The following DENND4A variants were observed in gnomAD, a reference collection of about 807,000 sequenced individuals.
The protein encoded by DENND4A is DENN domain containing 4A.
Under a neutral mutation model 199.3 loss-of-function variants are expected in DENND4A, and 70 were observed. The ratio of observed to expected loss-of-function variants is 0.35; its 90% confidence interval spans 0.29 to 0.43. The LOEUF (loss-of-function observed/expected upper bound fraction) is 0.43, where lower values mean the gene tolerates loss of function less well. DENND4A is among the 20% of genes least tolerant of loss of function. DENND4A has a pLI of 1.00. For synonymous variants in DENND4A, 686 were observed against 766.9 expected (o/e 0.89, Z 1.74); for missense variants, 1,723 against 2,255.8 (o/e 0.76, Z 4.78).
At chr15:65,662,883 C>T (rs900187597) in intron 32 of DENND4A, among the ~76,000 whole-genome samples, 6 of 152,014 alleles carry the variant, frequency 3.9e-5, no homozygotes, top group African/African-American at 7.2e-5. Flanking sequence ...CTTGGAGGTC[C>T]GGAATTTTTT....
intron 12 of DENND4A, among the ~76,000 whole-genome samples, chr15:65,720,083 C>T (rs1479238475): frequency 6.6e-6 from 1 of 152,090 alleles, no homozygotes; most frequent in Non-Finnish European, 1.5e-5. Flanking sequence ...GGAACTGGAT[C>T]CTTTTGTTAT....
intron 1 of DENND4A, among the ~76,000 whole-genome samples, chr15:65,777,260 C>G (rs191141813): frequency 6.6e-6 from 1 of 152,248 alleles, no homozygotes; most frequent in East Asian, 1.9e-4. Context: ...GGCTGTACTT[C>G]TATCATCGGG....
chr15:65,663,644 A>G (rs953067008), intron 32 of DENND4A, among the ~76,000 whole-genome samples: 2 of 151,948 alleles, frequency 1.3e-5, no homozygotes, highest in Non-Finnish European at 2.9e-5. Context: ...GAAAAGAATC[A>G]CCTTCTGTTG....
At chr15:65,773,515 C>G (rs2077197825) in intron 1 of DENND4A, among the ~76,000 whole-genome samples, 1 of 152,152 alleles carries the variant, frequency 6.6e-6, no homozygotes, top group Non-Finnish European at 1.5e-5. Context: ...CATCTAAATT[C>G]TGAAATATCA....
intron 2 of DENND4A, among the ~76,000 whole-genome samples, chr15:65,757,203 T>C (rs2076726677): frequency 6.6e-6 from 1 of 150,392 alleles, no homozygotes; most frequent in African/African-American, 2.4e-5. Flanking sequence ...TGGGGAAATT[T>C]ACTGATCTCC....
intron 15 of DENND4A, among the ~76,000 whole-genome samples, chr15:65,704,244 CTG>C (rs1036896437): frequency 6.6e-6 from 1 of 152,102 alleles, no homozygotes; most frequent in African/African-American, 2.4e-5. Context: ...GAGGCAGACT[CTG>C]TGCTCATTAA....
intron 23 of DENND4A, among the ~76,000 whole-genome samples, chr15:65,678,186 C>T (rs952777084): frequency 2.6e-5 from 4 of 152,126 alleles, no homozygotes; most frequent in Non-Finnish European, 5.9e-5. Context: ...CCTCGGCCTC[C>T]CGAAGTGTTG....
chr15:65,709,988 T>C lies in DENND4A; in HGVS notation c.1954-3764A>G, dbSNP rs530351355. On this transcript the variant is annotated intron_variant, in intron 14 of 32. Transcript: ENST00000443035. ...GATTATACATTTAATAGAATTTTCT[T>C]TTTCGAGACTTCTCAGAATTCATAA... Among the ~76,000 whole-genome samples, 41 of 152,072 alleles carry C rather than the reference T, an allele frequency of 2.7e-4. 1 individual carries two copies. The highest frequency in any genetic ancestry group is 9.2e-4 in the African/African-American group (38 of 41,508).
At chr15:65,732,885 C>A in intron 7 of DENND4A, 67 bp from the exon 8 acceptor site, 1 of 925,676 alleles carries the variant, frequency 1.1e-6, no homozygotes, top group South Asian at 1.5e-5. Context: ...CTCAACATGT[C>A]ATCACAAGTC....
chr15:65,694,480 GATTTT>G (rs2077078051), intron 22 of DENND4A, among the ~76,000 whole-genome samples: 2 of 151,438 alleles, frequency 1.3e-5, no homozygotes, highest in African/African-American at 4.9e-5. Context: ...ATAGGGTGAT[GATTTT>G]ATTTCAATAT....
At position 65,690,497 on chromosome 15, in the gene DENND4A, CTG is replaced by C; in HGVS notation, c.4095_4096del (p.Asn1365LysfsTer28). The C allele has an allele frequency of 6.2e-7, 1 of 1,612,916 alleles. No homozygotes were observed. Among genetic ancestry groups the C allele is most frequent in the Non-Finnish European group, 8.5e-7 (1 of 1,179,404 alleles). ...AACTCCTTTTCCAGCAGTGAACATA[CTG>C]TTTCTTAGAACATCTAGTTTAGGTA... On this transcript the variant is annotated frameshift_variant, in exon 23 of 33. Transcript: ENST00000443035. LOFTEE classifies it high-confidence loss of function.
intron 12 of DENND4A, among the ~76,000 whole-genome samples, chr15:65,721,480 CAAG>C (rs1247967425): frequency 6.6e-6 from 1 of 150,752 alleles, no homozygotes; most frequent in East Asian, 2.0e-4. Context: ...GCTATAATAC[CAAG>C]AAGATCAGAT....
chr15:65,790,179 G>A (rs895284576), intron 1 of DENND4A, among the ~76,000 whole-genome samples: 2 of 152,054 alleles, frequency 1.3e-5, no homozygotes, highest in African/African-American at 4.8e-5. Context: ...CAAGTTACCA[G>A]AAATAGGACA....
At chr15:65,705,891 C>A (rs1425270919) in intron 15 of DENND4A, 200 bp downstream of exon 15, 1 of 609,412 alleles carries the variant, frequency 1.6e-6, no homozygotes, top group African/African-American at 2.0e-5. Context: ...CTTCCCAAGT[C>A]TATATTATGC....
intron 1 of DENND4A, among the ~76,000 whole-genome samples, chr15:65,768,779 TC>T: frequency 6.6e-6 from 1 of 152,018 alleles, no homozygotes; most frequent in Middle Eastern, 3.4e-3. Flanking sequence ...GGTTAGGAGT[TC>T]AGGACCAGCC....
At chr15:65,731,467 T>C in intron 9 of DENND4A, 175 bp downstream of exon 9, 1 of 639,806 alleles carries the variant, frequency 1.6e-6, no homozygotes, top group South Asian at 1.5e-5. Flanking sequence ...ATTAGAAAAG[T>C]TTCCTTTTTT....
At chr15:65,746,389 T>C (rs2076396683) in intron 4 of DENND4A, among the ~76,000 whole-genome samples, 1 of 125,086 alleles carries the variant, frequency 8.0e-6, no homozygotes, top group Non-Finnish European at 1.7e-5. Context: ...TTTTTTTTTT[T>C]TTTTTTTTTT....
rs139528285 is a variant in DENND4A at position 65,670,444 on chromosome 15, T to C, written c.4465-256A>G. Among the ~76,000 whole-genome samples the C allele has an allele frequency of 5.4e-4, 83 of 152,312 alleles. No individual in the cohort carries two copies. In the East Asian group the frequency reaches 0.014, roughly 26 times the overall value. ...TTATAAATCAGAGTAAAATGTGCTG[T>C]GGTTTTATTAATGGAAAAGTAAACT... On this transcript the variant is annotated intron_variant, in intron 25 of 32. Transcript: ENST00000443035.
At chr15:65,729,458 T>C in intron 10 of DENND4A, 76 bp downstream of exon 10, 5 of 1,506,264 alleles carry the variant, frequency 3.3e-6, no homozygotes, top group South Asian at 1.3e-5. Context: ...TTAAGTTATA[T>C]TAAAATGGCT....
Sources: gnomAD v4.1 joint callset for allele counts (sites outside exome capture counted in the v4.1 genomes callset) on GRCh38, gnomAD v4.1.1 for gene constraint, MANE v1.5 for transcripts, NCBI Gene and HGNC (gene_info 2026-07-23, HGNC 2026-07-21) for gene names.